THRB: variants seen among roughly 807,000 people sequenced by gnomAD.
The protein encoded by THRB is nuclear receptor subfamily 1 group A member 2.
Under a neutral mutation model 47.8 loss-of-function variants are expected in THRB, and 12 were observed. The observed-to-expected ratio is 0.25, with a 90% CI of 0.16 to 0.41. THRB has a LOEUF of 0.41. THRB is among the 10% of genes least tolerant of loss of function. THRB has a pLI of 1.00. For missense variants in THRB, 348 were observed against 589.2 expected, an observed-to-expected ratio of 0.59 and a Z score of 4.24; for synonymous variants, 218 against 212.2, an observed-to-expected ratio of 1.03 and a Z score of -0.24.
In THRB at chr3:24,261,520, C is replaced by CAAAAAAAA. The variant is rs1207008580; in HGVS notation, c.-42-32527_-42-32520dup. On this transcript the variant is annotated intron_variant, in intron 3 of 10. Transcript: ENST00000646209. ...CTCAAAAAAAAAAAAAAAAAAAAAC[C>CAAAAAAAA]AAAAAAAACTCTCTAGATCCCACTA... is the stretch of plus-strand genomic sequence containing the variant. Among the ~76,000 whole-genome samples the CAAAAAAAA allele has an allele frequency of 3.1e-4, 37 of 119,530 alleles. 1 individual carries two copies. The highest frequency in any genetic ancestry group is 1.4e-3 in the African/African-American group (34 of 24,808). 78.4% of individuals were successfully genotyped at this position (119,530 alleles called of 152,430 possible).
intron 1 of THRB, among the ~76,000 whole-genome samples, chr3:24,462,966 C>G (rs1227582985): frequency 6.6e-6 from 1 of 152,198 alleles, no homozygotes; most frequent in Non-Finnish European, 1.5e-5. Flanking sequence ...CCTGTAACCC[C>G]CCTCCTGTCA....
intron 6 of THRB, among the ~76,000 whole-genome samples, chr3:24,147,274 C>G (rs1043424960): frequency 6.6e-6 from 1 of 152,128 alleles, no homozygotes; most frequent in South Asian, 2.1e-4. Flanking sequence ...TGGATACTTG[C>G]AATACTTTAT....
chr3:24,453,974 A>G (rs2072924587), intron 1 of THRB, among the ~76,000 whole-genome samples: 1 of 152,180 alleles, frequency 6.6e-6, no homozygotes, highest in Admixed American at 6.5e-5. Flanking sequence ...TAACCTCTGT[A>G]TTATTTTATC....
intron 1 of THRB, among the ~76,000 whole-genome samples, chr3:24,343,216 G>A (rs1489020681): frequency 3.9e-5 from 6 of 152,210 alleles, no homozygotes; most frequent in African/African-American, 1.4e-4. Flanking sequence ...AAGTTTGTTC[G>A]AGCATTCAAT....
intron 2 of THRB, among the ~76,000 whole-genome samples, chr3:24,321,897 G>A (rs746155555): frequency 6.6e-6 from 1 of 151,878 alleles, no homozygotes; most frequent in African/African-American, 2.4e-5. Context: ...TTTTTCTGCT[G>A]GTTACTTGTT....
chr3:24,213,319 G>A (rs77907910), intron 4 of THRB, among the ~76,000 whole-genome samples: 4,106 of 152,162 alleles, frequency 0.027, 167 homozygotes, highest in African/African-American at 0.093. Context: ...GAAGGGATGG[G>A]GCTTGACAGG....
intron 2 of THRB, among the ~76,000 whole-genome samples, chr3:24,316,169 C>A (rs1305821472): frequency 2.0e-5 from 3 of 152,042 alleles, no homozygotes; most frequent in Admixed American, 6.5e-5. Context: ...ATAAACCTGA[C>A]AAAGTGTCTT....
intron 2 of THRB, among the ~76,000 whole-genome samples, chr3:24,305,962 A>G (rs540586399): frequency 1.4e-4 from 21 of 152,236 alleles, no homozygotes; most frequent in African/African-American, 2.9e-4. Flanking sequence ...TCCTCCCCCA[A>G]TGGGCTTCTA....
intron 2 of THRB, among the ~76,000 whole-genome samples, chr3:24,333,466 G>A (rs1189949260): frequency 6.6e-6 from 1 of 152,198 alleles, no homozygotes; most frequent in East Asian, 1.9e-4. Flanking sequence ...GACTCTTAAT[G>A]ACTTGAAATA....
At chr3:24,317,283 T>A (rs1213146237) in intron 2 of THRB, among the ~76,000 whole-genome samples, 2 of 152,140 alleles carry the variant, frequency 1.3e-5, no homozygotes. Context: ...TTGTGAGAAG[T>A]AAACAAGTTG....
At chr3:24,126,128 C>T (rs748932702) in intron 10 of THRB, among the ~76,000 whole-genome samples, 6 of 152,204 alleles carry the variant, frequency 3.9e-5, no homozygotes. Flanking sequence ...CGTGGTGGCT[C>T]ATGCCTATAA....
chr3:24,404,120 T>A (rs2067638184), intron 1 of THRB, among the ~76,000 whole-genome samples: 1 of 151,974 alleles, frequency 6.6e-6, no homozygotes, highest in Non-Finnish European at 1.5e-5. Context: ...ATGTAATAAA[T>A]AGAATCCTGA....
At chr3:24,399,198 G>A (rs1469879526) in intron 1 of THRB, among the ~76,000 whole-genome samples, 7 of 150,712 alleles carry the variant, frequency 4.6e-5, no homozygotes, top group African/African-American at 9.8e-5. Flanking sequence ...TGCACGTTGT[G>A]CACATGTACC....
intron 5 of THRB, among the ~76,000 whole-genome samples, chr3:24,189,193 T>C (rs2043021167): frequency 1.3e-5 from 2 of 152,098 alleles, no homozygotes; most frequent in African/African-American, 4.8e-5. Context: ...TATGTTTTGG[T>C]ATATGATTGT....
intron 4 of THRB, among the ~76,000 whole-genome samples, chr3:24,216,393 C>T (rs777720764): frequency 1.3e-5 from 2 of 152,124 alleles, no homozygotes; most frequent in Non-Finnish European, 2.9e-5. Flanking sequence ...ATCACGAGGT[C>T]AGGAGATCGA....
chr3:24,484,706 T>C lies in THRB; in HGVS notation c.-261+9946A>G, dbSNP rs1697029736. ...CCACACCATTTGTTCACATATTGTGTATGTCTGTTTTTGTACTACAATGGC... is the reference window on the plus strand; with the variant it reads ...CCACACCATTTGTTCACATATTGTGCATGTCTGTTTTTGTACTACAATGGC... On this transcript the variant is annotated intron_variant, in intron 1 of 10. Transcript: ENST00000646209. Among the ~76,000 whole-genome samples the C allele has an allele frequency of 2.0e-5, 3 of 152,330 alleles. No homozygotes were observed. The South Asian group carries it at 6.2e-4, about 32-fold the overall frequency.
At chr3:24,271,250 C>A (rs2053293568) in intron 3 of THRB, among the ~76,000 whole-genome samples, 1 of 152,164 alleles carries the variant, frequency 6.6e-6, no homozygotes, top group African/African-American at 2.4e-5. Flanking sequence ...ATTCCTGAAA[C>A]TGTATGCATG....
intron 4 of THRB, among the ~76,000 whole-genome samples, chr3:24,208,812 C>A (rs914254302): frequency 2.0e-5 from 3 of 149,408 alleles, no homozygotes; most frequent in South Asian, 4.3e-4. Flanking sequence ...GTCTAAAACA[C>A]CAAAAGCAAC....
At chr3:24,309,184 T>C (rs2057569439) in intron 2 of THRB, among the ~76,000 whole-genome samples, 2 of 152,222 alleles carry the variant, frequency 1.3e-5, no homozygotes, top group Admixed American at 6.5e-5. Flanking sequence ...TGTATATGTA[T>C]TATGATTTAA....
Sources: allele counts gnomAD v4.1 joint callset (sites outside exome capture counted in the v4.1 genomes callset), GRCh38; gene constraint gnomAD v4.1.1; transcripts MANE v1.5; gene names NCBI Gene and HGNC (gene_info 2026-07-23, HGNC 2026-07-21).